Variants in MON1B observed in about 807,000 individuals in gnomAD.
MON1B encodes the protein MON1 vesicular trafficking associated B, also known as vacuolar fusion protein MON1 homolog B.
MON1B carries 26 observed loss-of-function variants against 45.1 expected under a neutral mutation model. The observed-to-expected ratio is 0.58, with a 90% CI of 0.42 to 0.80. The LOEUF (loss-of-function observed/expected upper bound fraction) is 0.80. MON1B is among the 30% of genes least tolerant of loss of function. The pLI is 0.00. For missense variants in MON1B, 737 were observed against 754.5 expected, an observed-to-expected ratio of 0.98 and a Z score of 0.27; for synonymous variants, 395 against 320.2, an observed-to-expected ratio of 1.23 and a Z score of -2.49.
In MON1B at chr16:77,201,819, A is replaced by C. The variant is rs1161995909; in HGVS notation, c.*3511A>C. On this transcript the variant is annotated 3_prime_UTR_variant, in exon 6 of 6. Coordinates refer to ENST00000248248, the MANE Select transcript of MON1B (RefSeq NM_014940.4). ...TAAGTTCTAATTTAAATGTATTAAAATTAAATTATAAGTTGATAGGATTAT... is the reference window on the plus strand; with the variant it reads ...TAAGTTCTAATTTAAATGTATTAAACTTAAATTATAAGTTGATAGGATTAT... 4 of 152,356 alleles carry C rather than the reference A, an allele frequency of 2.6e-5. No homozygotes were observed. In the East Asian group the frequency reaches 7.7e-4, roughly 29 times the overall value. 9.4% of individuals were successfully genotyped at this position (152,356 alleles called of 1,614,324 possible). A position where few individuals can be genotyped will look rare whatever the true frequency, so the allele number is the denominator to read the frequency against.
Position 77,194,958 on chromosome 16 carries a change from C to T in MON1B, c.1099C>T (p.Arg367Trp), listed in dbSNP as rs1271811473. 6.2e-6 allele frequency: 10 copies of T among 1,613,750 alleles called. No individual in the cohort carries two copies. Among genetic ancestry groups the T allele is most frequent in the South Asian group, 1.1e-5 (1 of 91,082 alleles). Residue 367 changes from arginine to tryptophan, a missense_variant, in exon 4 of 6, where the codon CGG (arginine) becomes TGG (tryptophan). Arg to Trp is a moderately radical substitution (Grantham distance 101). Coordinates refer to ENST00000248248, the MANE Select transcript of MON1B (RefSeq NM_014940.4). The surrounding 1 kb of genome is among the most constrained non-coding windows in gnomAD (Gnocchi z 8.1). ...REAFHAMAAC[R>W]RLVEDGMHAL... ...AGCCTTCCATGCCATGGCCGCCTGCCGGCGCCTGGTTGAAGATGGGATGCA... is the reference window on the plus strand; with the variant it reads ...AGCCTTCCATGCCATGGCCGCCTGCTGGCGCCTGGTTGAAGATGGGATGCA...
chr16:77,200,953 C>T lies in MON1B; in HGVS notation c.*2645C>T, dbSNP rs923557196. On this transcript the variant is annotated 3_prime_UTR_variant, in exon 6 of 6. Transcript: ENST00000248248. ...GCCCCACTTTTATCTATCTCGAACACCCCTTTCTGCACACTCTTTAAACCA... is the reference window on the plus strand; with the variant it reads ...GCCCCACTTTTATCTATCTCGAACATCCCTTTCTGCACACTCTTTAAACCA... The T allele has an allele frequency of 6.6e-6, 1 of 152,170 alleles. No homozygotes were observed. Among genetic ancestry groups the T allele is most frequent in the African/African-American group, 2.4e-5 (1 of 41,400 alleles). 9.4% of individuals were successfully genotyped at this position (152,170 alleles called of 1,614,324 possible). A position where few individuals can be genotyped will look rare whatever the true frequency, so the allele number is the denominator to read the frequency against.
At chr16:77,197,965 G>A in intron 5 of MON1B, 143 bp from the exon 6 acceptor site, 1 of 794,770 alleles carries the variant, frequency 1.3e-6, no homozygotes, top group Non-Finnish European at 2.1e-6. Flanking sequence ...CCTTAGCCCA[G>A]TATCTAGGCA....
chr16:77,196,588 A>G (rs1314941239), intron 5 of MON1B, among the ~76,000 whole-genome samples: 1 of 151,842 alleles, frequency 6.6e-6, no homozygotes, highest in Non-Finnish European at 1.5e-5. Context: ...CCAGCCTGGC[A>G]AACATGGCAA....
rs146806312 is a variant in MON1B at position 77,202,158 on chromosome 16, G to C, written c.*3850G>C. 7.0e-4 allele frequency: 107 copies of C among 152,286 alleles called. No homozygotes were observed. Among genetic ancestry groups the C allele is most frequent in the African/African-American group, 2.5e-3 (105 of 41,556 alleles). The allele number at this position is 152,286 out of a possible 1,614,324, so 9.4% of individuals were successfully genotyped here. A position where few individuals can be genotyped will look rare whatever the true frequency, so the allele number is the denominator to read the frequency against. ...ACCTGAGGATCCTATATTCATATTGGATCAGTATTAACATCCAGGTTTTGA... is the reference window on the plus strand; with the variant it reads ...ACCTGAGGATCCTATATTCATATTGCATCAGTATTAACATCCAGGTTTTGA... On this transcript the variant is annotated 3_prime_UTR_variant, in exon 6 of 6. Transcript: ENST00000248248.
Position 77,194,322 on chromosome 16 carries a change from C to A in MON1B, c.476-13C>A. On this transcript the variant is annotated splice_polypyrimidine_tract_variant and intron_variant, in intron 3 of 5. Coordinates refer to ENST00000248248, the MANE Select transcript of MON1B (RefSeq NM_014940.4). This position sits in a 1 kb window ranked among gnomAD's most constrained non-coding sequence, Gnocchi z 8.1. The stretch of plus-strand genomic sequence containing the variant: ...CCAGCTGTACCCCCCCTTCTTACCC[C>A]TTCCTTCCCTAGAGGACCACAAGCT... 6.2e-7 allele frequency: 1 copy of A among 1,600,046 alleles called. No individual in the cohort carries two copies. Among genetic ancestry groups the A allele is most frequent in the Non-Finnish European group, 8.5e-7 (1 of 1,178,546 alleles).
chr16:77,199,380 C>G lies in MON1B; in HGVS notation c.*1072C>G. On this transcript the variant is annotated 3_prime_UTR_variant, in exon 6 of 6. Transcript: ENST00000248248. ...GTTGCACGCATGCGTGCTGAAAAGCCTTTCACCCTCACGTGGTTTCTTTTT... is the reference window on the plus strand; with the variant it reads ...GTTGCACGCATGCGTGCTGAAAAGCGTTTCACCCTCACGTGGTTTCTTTTT... 6.8e-7 allele frequency: 1 copy of G among 1,477,300 alleles called. No homozygotes were observed. Among genetic ancestry groups the G allele is most frequent in the Non-Finnish European group, 9.2e-7 (1 of 1,083,092 alleles). The allele number at this position is 1,477,300 out of a possible 1,614,324, so 91.5% of individuals were successfully genotyped here.
chr16:77,195,797 C>A, intron 5 of MON1B, 115 bp downstream of exon 5: 2 of 1,311,592 alleles, frequency 1.5e-6, no homozygotes, highest in Non-Finnish European at 2.1e-6. Context: ...TCTGGCTGGG[C>A]TGTGCCTTGC....
In MON1B at chr16:77,199,733, G is replaced by A; in HGVS notation, c.*1425G>A. The A allele has an allele frequency of 4.1e-6, 2 of 486,790 alleles. No homozygotes were observed. Among genetic ancestry groups the A allele is most frequent in the South Asian group, 6.7e-5 (2 of 29,738 alleles). 30.2% of individuals were successfully genotyped at this position (486,790 alleles called of 1,614,324 possible). On this transcript the variant is annotated 3_prime_UTR_variant, in exon 6 of 6. Coordinates refer to ENST00000248248, the MANE Select transcript of MON1B (RefSeq NM_014940.4). ...CCGAGATTAACTTTTGTCAACTGTA[G>A]TGTATACGTTGTTGAAAGTAAACAA...
At position 77,194,269 on chromosome 16, in the gene MON1B, C is replaced by G. The variant is rs955460130; in HGVS notation, c.476-66C>G. 7.1e-7 allele frequency: 1 copy of G among 1,404,728 alleles called. No individual in the cohort carries two copies. Among genetic ancestry groups the G allele is most frequent in the Non-Finnish European group, 1.0e-6 (1 of 1,003,566 alleles). 87.0% of individuals were successfully genotyped at this position (1,404,728 alleles called of 1,614,324 possible). ...TATGGTAGGAGAGGGCAGAAGAGCCCCACTGTCTCCCTCTGGTCATTCCTG... is the reference window on the plus strand; with the variant it reads ...TATGGTAGGAGAGGGCAGAAGAGCCGCACTGTCTCCCTCTGGTCATTCCTG... On this transcript the variant is annotated intron_variant, in intron 3 of 5. Coordinates refer to ENST00000248248, the MANE Select transcript of MON1B (RefSeq NM_014940.4). The surrounding 1 kb of genome is among the most constrained non-coding windows in gnomAD (Gnocchi z 8.1).
chr16:77,201,241 A>G lies in MON1B; in HGVS notation c.*2933A>G, dbSNP rs1293737966. 2 of 152,256 alleles carry G rather than the reference A, an allele frequency of 1.3e-5. No homozygotes were observed. The highest frequency in any genetic ancestry group is 6.5e-5 in the Admixed American group (1 of 15,288). The allele number at this position is 152,256 out of a possible 1,614,324, so 9.4% of individuals were successfully genotyped here. ...GGCACATACTAAGTGCCAGCATTCA[A>G]CAAAAGACAGACGGAAATAAGACAG... On this transcript the variant is annotated 3_prime_UTR_variant, in exon 6 of 6. Coordinates refer to ENST00000248248, the MANE Select transcript of MON1B (RefSeq NM_014940.4).
In MON1B at chr16:77,199,869, A is replaced by G. The variant is rs1489306475; in HGVS notation, c.*1561A>G. The G allele has an allele frequency of 1.6e-5, 3 of 193,086 alleles. No individual in the cohort carries two copies. The highest frequency in any genetic ancestry group is 3.2e-5 in the Non-Finnish European group (3 of 94,408). The allele number at this position is 193,086 out of a possible 1,614,324, so 12.0% of individuals were successfully genotyped here. A position where few individuals can be genotyped will look rare whatever the true frequency, so the allele number is the denominator to read the frequency against. On this transcript the variant is annotated 3_prime_UTR_variant, in exon 6 of 6. Transcript: ENST00000248248. ...ATTAACAGTAATTCCCAGTGTCGCCATTTCACACCTAACACATATGACACT... is the reference window on the plus strand; with the variant it reads ...ATTAACAGTAATTCCCAGTGTCGCCGTTTCACACCTAACACATATGACACT...
In MON1B at chr16:77,199,440, C is replaced by G. The variant is rs1342971073; in HGVS notation, c.*1132C>G. The G allele has an allele frequency of 8.4e-6, 13 of 1,551,512 alleles. No individual in the cohort carries two copies. The highest frequency in any genetic ancestry group is 1.1e-5 in the Non-Finnish European group (13 of 1,146,966). On this transcript the variant is annotated 3_prime_UTR_variant, in exon 6 of 6. Transcript: ENST00000248248. ...ATCAAGCGAGGCTCGCGCGCAGGCC[C>G]CGCGTTGGAAAATGGCGGGGAAGCT...
chr16:77,195,794 G>A, intron 5 of MON1B, 112 bp downstream of exon 5: 1 of 1,345,784 alleles, frequency 7.4e-7, no homozygotes, highest in Non-Finnish European at 1.0e-6. Context: ...GCCTCTGGCT[G>A]GGCTGTGCCT....
rs1417028218 is a variant in MON1B, at chr16:77,200,200, A to G, written c.*1892A>G. On this transcript the variant is annotated 3_prime_UTR_variant, in exon 6 of 6. Transcript: ENST00000248248. ...TATATATACATATACATATGTGTGT[A>G]TGTGTATTTATATGTATGTATGTAT... 6.8e-6 allele frequency: 1 copy of G among 146,002 alleles called. No homozygotes were observed. The highest frequency in any genetic ancestry group is 1.5e-5 in the Non-Finnish European group (1 of 66,758). 9.0% of individuals were successfully genotyped at this position (146,002 alleles called of 1,614,324 possible).
At position 77,198,053 on chromosome 16, in the gene MON1B, G is replaced by T. The variant is rs1223180642; in HGVS notation, c.1444-55G>T. 1.3e-5 allele frequency: 20 copies of T among 1,557,418 alleles called. No individual in the cohort carries two copies. The Admixed American group carries it at 3.3e-4, about 26-fold the overall frequency. On this transcript the variant is annotated intron_variant, in intron 5 of 5. Coordinates refer to ENST00000248248, the MANE Select transcript of MON1B (RefSeq NM_014940.4). ...CATGCAGCTGCACTGGGGTAGGCAGGATTGTCCATAGCCAGCTCTGGCCCA... is the reference window on the plus strand; with the variant it reads ...CATGCAGCTGCACTGGGGTAGGCAGTATTGTCCATAGCCAGCTCTGGCCCA...
At chr16:77,195,253 T>G in intron 4 of MON1B, 99 bp downstream of exon 4, 2 of 1,235,806 alleles carry the variant, frequency 1.6e-6, no homozygotes, top group Non-Finnish European at 2.2e-6. Flanking sequence ...TAACCAGCCA[T>G]GCTTAAGAAA....
chr16:77,198,319 T>G lies in MON1B; in HGVS notation c.*11T>G. 1 of 1,612,746 alleles carries G rather than the reference T, an allele frequency of 6.2e-7. No individual in the cohort carries two copies. Among genetic ancestry groups the G allele is most frequent in the Non-Finnish European group, 8.5e-7 (1 of 1,178,756 alleles). ...TTCACTGGACTCTGATAGTTGGAGCTCCCAGACCAGGCAGTGCTGGGAGCA... is the reference window on the plus strand; with the variant it reads ...TTCACTGGACTCTGATAGTTGGAGCGCCCAGACCAGGCAGTGCTGGGAGCA... On this transcript the variant is annotated 3_prime_UTR_variant, in exon 6 of 6. Coordinates refer to ENST00000248248, the MANE Select transcript of MON1B (RefSeq NM_014940.4).
Position 77,195,611 on chromosome 16 carries a change from C to T in MON1B, c.1372C>T (p.Arg458Cys), listed in dbSNP as rs370803909. ...GGACCTGTACCACCGCCTGCATGCT[C>T]GTCTCCACAGCACCTCCCGACCCCT... ...LSDLYHRLHA[R>C]LHSTSRPLRL... The change falls in exon 5 of 6, where the codon CGT (arginine) becomes TGT (cysteine). Residue 458 changes from arginine (R) to cysteine (C), a missense_variant. Arg to Cys is a radical substitution (Grantham distance 180, BLOSUM62 -3). Transcript: ENST00000248248. 16 of 1,614,022 alleles carry T rather than the reference C, an allele frequency of 9.9e-6. No homozygotes were observed. The highest frequency in any genetic ancestry group is 1.3e-5 in the African/African-American group (1 of 74,916).
Sources: gnomAD v4.1 joint callset for allele counts (sites outside exome capture counted in the v4.1 genomes callset) on GRCh38, gnomAD v4.1.1 for gene constraint, Gnocchi (gnomAD v3.1) non-coding constraint, MANE v1.5 for transcripts, NCBI Gene and HGNC (gene_info 2026-07-23, HGNC 2026-07-21) for gene names.